Variants in P2RX5 observed in about 807,000 individuals in gnomAD.
P2RX5 encodes the protein P2X purinoceptor 5.
P2RX5 carries 46 observed loss-of-function variants against 54.1 expected under a neutral mutation model. That is an observed-to-expected ratio of 0.85 (90% CI 0.67 to 1.09). The LOEUF (loss-of-function observed/expected upper bound fraction) is 1.09, where lower values mean the gene tolerates loss of function less well. P2RX5 is among the 50% of genes least tolerant of loss of function. The probability of loss-of-function intolerance (pLI) is 0.00; values close to 1 mark genes in which losing one functional copy is unlikely to be tolerated. For synonymous variants in P2RX5, 226 were observed against 226.4 expected, an observed-to-expected ratio of 1.00 and a Z score of 0.02; for missense variants, 566 against 549.8, an observed-to-expected ratio of 1.03 and a Z score of -0.29.
chr17:3,696,208 T>G, upstream of P2RX5: 1 of 380,284 alleles, frequency 2.6e-6, no homozygotes, highest in Non-Finnish European at 4.4e-6. Flanking sequence ...AAGCCTCGGC[T>G]GGGAGCTGGG....
chr17:3,699,088 C>T (rs76448038), upstream of P2RX5, among the ~76,000 whole-genome samples: 4,714 of 67,698 alleles, frequency 0.07, 112 homozygotes, highest in East Asian at 0.2. Context: ...CACACACACA[C>T]ACACACCTAT....
At chr17:3,723,663 G>A in the P2RX5 span, 4 of 1,566,946 alleles carry the variant, frequency 2.6e-6, no homozygotes, top group South Asian at 1.2e-5. Context: ...GCCCTCCCCT[G>A]GCCTCTCGGG....
At chr17:3,679,988 C>T (rs578104637) in intron 10 of P2RX5, among the ~76,000 whole-genome samples, 1 of 151,354 alleles carries the variant, frequency 6.6e-6, no homozygotes, top group African/African-American at 2.4e-5. Flanking sequence ...AGTCCTCCAC[C>T]CTGCTTCCTC....
chr17:3,715,102 C>T, the P2RX5 span, among the ~76,000 whole-genome samples: 2 of 152,060 alleles, frequency 1.3e-5, no homozygotes, highest in African/African-American at 4.8e-5. Context: ...CCTGGAGAGT[C>T]CAATCCTTCA....
intron 11 of P2RX5, chr17:3,678,009 G>T: frequency 1.0e-6 from 1 of 985,440 alleles, no homozygotes; most frequent in Non-Finnish European, 1.2e-6. Flanking sequence ...CCTCTACCCA[G>T]TTCAGAGCTG....
At chr17:3,707,413 C>T in the P2RX5 span, among the ~76,000 whole-genome samples, 1 of 152,108 alleles carries the variant, frequency 6.6e-6, no homozygotes, top group Non-Finnish European at 1.5e-5. Context: ...CATCCGGGAG[C>T]CAAAAGACCC....
intron 11 of P2RX5, chr17:3,678,166 G>A: frequency 1.1e-6 from 1 of 938,290 alleles, no homozygotes; most frequent in East Asian, 1.2e-4. Flanking sequence ...GGCGCACAGG[G>A]CAGAGAGGAC....
chr17:3,677,855 C>T (rs1230668281), intron 11 of P2RX5: 3 of 985,274 alleles, frequency 3.0e-6, no homozygotes, highest in Non-Finnish European at 3.6e-6. Context: ...TGGACACCTG[C>T]TCCAGGGACT....
At chr17:3,696,701 A>G (rs2050765571), upstream of P2RX5, among the ~76,000 whole-genome samples, 1 of 152,220 alleles carries the variant, frequency 6.6e-6, no homozygotes, top group East Asian at 1.9e-4. Flanking sequence ...CGGCCTCCCA[A>G]AGTGCTGGGA....
At chr17:3,706,606 T>C in the P2RX5 span, among the ~76,000 whole-genome samples, 1 of 150,946 alleles carries the variant, frequency 6.6e-6, no homozygotes, top group Non-Finnish European at 1.5e-5. Flanking sequence ...TGCCGAAAAA[T>C]GCGGAGGCCC....
the P2RX5 span, among the ~76,000 whole-genome samples, chr17:3,701,965 G>A: frequency 1.3e-5 from 2 of 151,994 alleles, no homozygotes; most frequent in East Asian, 3.9e-4. Context: ...TTTTAGTAGA[G>A]ACGGAGTTTC....
the P2RX5 span, chr17:3,723,197 A>T: frequency 1.1e-6 from 1 of 907,290 alleles, no homozygotes; most frequent in Non-Finnish European, 1.8e-6. Flanking sequence ...TTGGACATGG[A>T]CATGTTATGC....
intron 11 of P2RX5, chr17:3,678,176 C>T: frequency 1.1e-6 from 1 of 906,920 alleles, no homozygotes; most frequent in Non-Finnish European, 1.3e-6. Context: ...GCAGAGAGGA[C>T]TGTCGGGAGC....
At chr17:3,711,370 C>CTTCTTTT in the P2RX5 span, among the ~76,000 whole-genome samples, 1 of 63,110 alleles carries the variant, frequency 1.6e-5, no homozygotes, top group African/African-American at 7.9e-5. Context: ...AGCACTCATT[C>CTTCTTTT]TTTTTTTTTT....
chr17:3,715,970 T>C, the P2RX5 span, among the ~76,000 whole-genome samples: 1 of 151,616 alleles, frequency 6.6e-6, no homozygotes, highest in Non-Finnish European at 1.5e-5. Context: ...GCCTGGCCAA[T>C]ATGGTGAAAC....
At chr17:3,711,855 T>C in the P2RX5 span, among the ~76,000 whole-genome samples, 1 of 152,158 alleles carries the variant, frequency 6.6e-6, no homozygotes, top group Admixed American at 6.6e-5. Context: ...CCACAGACCT[T>C]GGCCCAAGCC....
the P2RX5 span, among the ~76,000 whole-genome samples, chr17:3,701,928 A>T: frequency 0.5 from 74,918 of 150,702 alleles, 20,735 homozygotes; most frequent in South Asian, 0.69. Context: ...GCGGTGAGTA[A>T]TTTTTTTGTG....
the P2RX5 span, among the ~76,000 whole-genome samples, chr17:3,713,690 C>T: frequency 5.5e-3 from 822 of 150,512 alleles, 4 homozygotes; most frequent in Non-Finnish European, 8.7e-3. Context: ...GCGGAGGTTG[C>T]GGTGAGCCAA....
intron 11 of P2RX5, chr17:3,675,693 A>G: frequency 1.7e-6 from 1 of 589,466 alleles, no homozygotes; most frequent in Non-Finnish European, 2.1e-6. Context: ...CTGGGACTAC[A>G]GGCATGTGGA....
Sources: gnomAD v4.1 joint callset for allele counts (sites outside exome capture counted in the v4.1 genomes callset) on GRCh38, gnomAD v4.1.1 for gene constraint, MANE v1.5 for transcripts, NCBI Gene and HGNC (gene_info 2026-07-23, HGNC 2026-07-21) for gene names.